FLACC1: variants seen among roughly 807,000 people sequenced by gnomAD.
The protein encoded by FLACC1 is flagellum associated containing coiled-coil domains 1, also known as flagellum-associated coiled-coil domain-containing protein 1.
In FLACC1, 66 loss-of-function variants were observed where a neutral mutation model predicts 62.8. The observed-to-expected ratio is 1.05, with a 90% CI of 0.86 to 1.29. The LOEUF (loss-of-function observed/expected upper bound fraction) is 1.29. Among genes scored for constraint, FLACC1 ranks in the 50% most tolerant of loss-of-function variants. FLACC1 has a pLI of 0.00. For missense variants in FLACC1, 452 were observed against 489.1 expected (o/e 0.92, Z 0.71); for synonymous variants, 156 against 161.0 (o/e 0.97, Z 0.24).
In FLACC1 at chr2:201,351,434, T is replaced by C; in HGVS notation, c.-30A>G. ...AAAGGTCAGGGGGAGTCTTGGCTGC[T>C]AGATCAGGAGGCTCTTGCTGAAATT... On this transcript the variant is annotated 5_prime_UTR_variant, in exon 2 of 15. Coordinates refer to ENST00000392257, the MANE Select transcript of FLACC1 (RefSeq NM_001127391.3). 3 of 1,514,676 alleles carry C rather than the reference T, an allele frequency of 2.0e-6. No homozygotes were observed. The South Asian group carries it at 3.4e-5, about 17-fold the overall frequency. 93.8% of individuals were successfully genotyped at this position (1,514,676 alleles called of 1,614,324 possible).
chr2:201,306,641 C>T (rs1398585489), intron 11 of FLACC1, among the ~76,000 whole-genome samples: 1 of 152,002 alleles, frequency 6.6e-6, no homozygotes, highest in African/African-American at 2.4e-5. Flanking sequence ...ATAGAGAGGA[C>T]ACAAAAATCT....
At chr2:201,299,972 T>G (rs1167739066) in intron 11 of FLACC1, among the ~76,000 whole-genome samples, 1 of 152,170 alleles carries the variant, frequency 6.6e-6, no homozygotes, top group Non-Finnish European at 1.5e-5. Context: ...TAGGAACACC[T>G]CCAGTCTATA....
At chr2:201,310,921 G>A (rs1263442610) in intron 9 of FLACC1, among the ~76,000 whole-genome samples, 1 of 151,968 alleles carries the variant, frequency 6.6e-6, no homozygotes, top group Non-Finnish European at 1.5e-5. Context: ...AAAAAACGAC[G>A]ATCCAAATAA....
At chr2:201,313,020 G>C (rs550130465) in intron 9 of FLACC1, among the ~76,000 whole-genome samples, 3 of 152,326 alleles carry the variant, frequency 2.0e-5, no homozygotes, top group Admixed American at 1.3e-4. Flanking sequence ...AGAGAACCAA[G>C]TGAAATATAG....
chr2:201,303,024 G>A (rs1239194846), intron 11 of FLACC1, among the ~76,000 whole-genome samples: 1 of 151,458 alleles, frequency 6.6e-6, no homozygotes, highest in African/African-American at 2.4e-5. Context: ...AAAAGAACTA[G>A]ACAAGCAAGG....
intron 3 of FLACC1, among the ~76,000 whole-genome samples, chr2:201,350,479 G>C (rs1006267489): frequency 6.6e-6 from 1 of 152,076 alleles, no homozygotes; most frequent in African/African-American, 2.4e-5. Flanking sequence ...AGGAGTTCAA[G>C]ACCACCCTGG....
intron 9 of FLACC1, among the ~76,000 whole-genome samples, chr2:201,313,307 C>T (rs1950250313): frequency 6.6e-6 from 1 of 152,098 alleles, no homozygotes; most frequent in African/African-American, 2.4e-5. Context: ...AGGCTGGTAG[C>T]CTGGGGCAAG....
At chr2:201,343,561 T>C (rs1950853021) in intron 6 of FLACC1, among the ~76,000 whole-genome samples, 1 of 152,044 alleles carries the variant, frequency 6.6e-6, no homozygotes, top group Non-Finnish European at 1.5e-5. Flanking sequence ...ACTTCACAGA[T>C]GGGGTGGGGT....
At chr2:201,303,910 G>A (rs1449422266) in intron 11 of FLACC1, among the ~76,000 whole-genome samples, 1 of 152,174 alleles carries the variant, frequency 6.6e-6, no homozygotes, top group African/African-American at 2.4e-5. Flanking sequence ...CAATAAATTA[G>A]GTATTGATGG....
chr2:201,289,730 T>C lies in FLACC1; in HGVS notation c.998A>G (p.Asn333Ser). ...QALILESLNT[N>S]LYYTQLELQK... ...GAGTTCCAACTGGGTATAGTAGAGGTTTGTGTTCAGTGACTCTAGGATAAG... is the reference window on the plus strand; with the variant it reads ...GAGTTCCAACTGGGTATAGTAGAGGCTTGTGTTCAGTGACTCTAGGATAAG... The change falls in exon 13 of 15, where the codon AAC (asparagine) becomes AGC (serine). Residue 333 changes from asparagine to serine, a missense_variant. Asn to Ser is a conservative substitution (Grantham distance 46). Coordinates refer to ENST00000392257, the MANE Select transcript of FLACC1 (RefSeq NM_001127391.3). The C allele has an allele frequency of 6.2e-7, 1 of 1,614,028 alleles. No individual in the cohort carries two copies. Among genetic ancestry groups the C allele is most frequent in the Non-Finnish European group, 8.5e-7 (1 of 1,179,974 alleles).
At chr2:201,306,090 A>T (rs1293597668) in intron 11 of FLACC1, among the ~76,000 whole-genome samples, 1 of 116,256 alleles carries the variant, frequency 8.6e-6, no homozygotes, top group African/African-American at 2.9e-5. Context: ...TAATAAATTA[A>T]AAAAAGAATA....
intron 11 of FLACC1, among the ~76,000 whole-genome samples, chr2:201,302,772 G>GA (rs1463175781): frequency 6.6e-6 from 1 of 152,212 alleles, no homozygotes; most frequent in African/African-American, 2.4e-5. Context: ...TCAGGATTAA[G>GA]AACTCACTCA....
chr2:201,348,006 CTGTT>C (rs1188703584), intron 4 of FLACC1: 4 of 348,510 alleles, frequency 1.1e-5, no homozygotes, highest in Non-Finnish European at 2.1e-5. Flanking sequence ...CTGAGACACT[CTGTT>C]TGTCTTGTGC....
At chr2:201,295,092 G>C (rs560978724) in intron 12 of FLACC1, among the ~76,000 whole-genome samples, 10 of 152,268 alleles carry the variant, frequency 6.6e-5, no homozygotes, top group African/African-American at 2.4e-4. Context: ...AATGCTCAAG[G>C]TAATTTATAG....
intron 12 of FLACC1, among the ~76,000 whole-genome samples, chr2:201,290,521 G>T (rs1949709125): frequency 6.6e-6 from 1 of 152,166 alleles, no homozygotes; most frequent in East Asian, 1.9e-4. Flanking sequence ...CCTGTGCAAA[G>T]GTCCTTAGAA....
intron 1 of FLACC1, among the ~76,000 whole-genome samples, chr2:201,353,517 T>C (rs1951065942): frequency 6.6e-6 from 1 of 152,216 alleles, no homozygotes; most frequent in African/African-American, 2.4e-5. Context: ...AATTGAGACT[T>C]TTCCTTAATG....
chr2:201,322,998 G>A (rs572628810), intron 9 of FLACC1, among the ~76,000 whole-genome samples: 80 of 152,168 alleles, frequency 5.3e-4, no homozygotes, highest in Middle Eastern at 6.8e-3. Context: ...GAATTTCAGA[G>A]CTTGAAGACA....
intron 11 of FLACC1, among the ~76,000 whole-genome samples, chr2:201,302,518 T>C (rs1261932003): frequency 6.6e-6 from 1 of 152,160 alleles, no homozygotes; most frequent in African/African-American, 2.4e-5. Context: ...ATTAGACAGT[T>C]CCACGAGACA....
chr2:201,290,994 A>G (rs1277961201), intron 12 of FLACC1, among the ~76,000 whole-genome samples: 1 of 152,140 alleles, frequency 6.6e-6, no homozygotes, highest in Non-Finnish European at 1.5e-5. Flanking sequence ...GGCGCCCACC[A>G]TTGCTGAGGA....
Sources: allele counts gnomAD v4.1 joint callset (sites outside exome capture counted in the v4.1 genomes callset), GRCh38; gene constraint gnomAD v4.1.1; transcripts MANE v1.5; gene names NCBI Gene and HGNC (gene_info 2026-07-23, HGNC 2026-07-21).